LYRM4: variants seen among roughly 807,000 people sequenced by gnomAD.
The protein encoded by LYRM4 is LYR motif-containing protein 4.
LYRM4 carries 9 observed loss-of-function variants against 11.7 expected under a neutral mutation model. That is an observed-to-expected ratio of 0.77 (90% CI 0.46 to 1.34). LYRM4 has a LOEUF of 1.34. LYRM4 is among the 40% of genes most tolerant of loss of function. LYRM4 has a pLI of 0.00. For synonymous variants in LYRM4, 42 were observed against 40.4 expected, an observed-to-expected ratio of 1.04 and a Z score of -0.15; for missense variants, 133 against 112.5, an observed-to-expected ratio of 1.18 and a Z score of -0.82.
chr6:5,109,935 C>A (rs1200206950), intron 2 of LYRM4, among the ~76,000 whole-genome samples: 3 of 148,546 alleles, frequency 2.0e-5, no homozygotes, highest in African/African-American at 7.6e-5. Context: ...GCATTCAGGG[C>A]AATGCAGACA....
At chr6:5,143,420 C>G (rs146637282) in intron 2 of LYRM4, among the ~76,000 whole-genome samples, 2 of 152,136 alleles carry the variant, frequency 1.3e-5, no homozygotes, top group African/African-American at 4.8e-5. Context: ...ATTTCCTTAG[C>G]GTAATATATT....
chr6:5,093,135 A>C, the LYRM4 span, among the ~76,000 whole-genome samples: 1 of 152,212 alleles, frequency 6.6e-6, no homozygotes, highest in Non-Finnish European at 1.5e-5. Context: ...ACCCCACCTG[A>C]ACTAGATGTT....
At chr6:5,114,994 C>T (rs1390175220) in intron 2 of LYRM4, among the ~76,000 whole-genome samples, 1 of 152,154 alleles carries the variant, frequency 6.6e-6, no homozygotes, top group Non-Finnish European at 1.5e-5. Flanking sequence ...GGGATCATAG[C>T]ATAACTTGCT....
At chr6:5,209,883 C>T (rs1761904966) in intron 2 of LYRM4, among the ~76,000 whole-genome samples, 1 of 152,230 alleles carries the variant, frequency 6.6e-6, no homozygotes, top group Admixed American at 6.5e-5. Context: ...TTAAATCTCT[C>T]TTTGCCTATC....
In LYRM4 at chr6:5,109,332, T is replaced by C; in HGVS notation, c.*91A>G. On this transcript the variant is annotated 3_prime_UTR_variant, in exon 3 of 3. Transcript: ENST00000330636. ...ACAGGACAGGCAGCGCAAAAGGCTA[T>C]TGTAAGCTGGTTTTGGGAGCCCCCA... 3.8e-6 allele frequency: 6 copies of C among 1,597,786 alleles called. No homozygotes were observed. Among genetic ancestry groups the C allele is most frequent in the Non-Finnish European group, 3.4e-6 (4 of 1,168,310 alleles).
At chr6:5,130,195 G>A (rs464606) in intron 2 of LYRM4, among the ~76,000 whole-genome samples, 92,527 of 152,090 alleles carry the variant, frequency 0.61, 28,647 homozygotes, top group East Asian at 0.81. Context: ...CTGGGCGTGG[G>A]CTGCAGGGGG....
intron 2 of LYRM4, among the ~76,000 whole-genome samples, chr6:5,178,392 G>A (rs576551555): frequency 6.6e-6 from 1 of 151,496 alleles, no homozygotes; most frequent in Admixed American, 6.6e-5. Flanking sequence ...GCTAACACCT[G>A]GATGTAGGAA....
At chr6:5,245,608 G>A (rs1764161549) in intron 1 of LYRM4, among the ~76,000 whole-genome samples, 2 of 152,272 alleles carry the variant, frequency 1.3e-5, no homozygotes, top group African/African-American at 4.8e-5. Context: ...CAAGCTGTCT[G>A]GCATTGATAT....
the LYRM4 span, among the ~76,000 whole-genome samples, chr6:5,049,671 C>G: frequency 6.8e-6 from 1 of 146,400 alleles, no homozygotes. Context: ...TGGGCAGTGT[C>G]ATTTTTTTTT....
chr6:5,050,549 C>T, the LYRM4 span, among the ~76,000 whole-genome samples: 1 of 152,060 alleles, frequency 6.6e-6, no homozygotes, highest in African/African-American at 2.4e-5. Flanking sequence ...CTTTATTTTT[C>T]CTTTATTACC....
intron 2 of LYRM4, among the ~76,000 whole-genome samples, chr6:5,163,815 T>C (rs931718873): frequency 6.6e-6 from 1 of 152,028 alleles, no homozygotes; most frequent in Non-Finnish European, 1.5e-5. Context: ...GGTTTCACCA[T>C]GTTGGCTAGG....
downstream of LYRM4, chr6:5,106,018 T>G (rs977646996): frequency 6.6e-6 from 1 of 152,458 alleles, no homozygotes; most frequent in East Asian, 1.9e-4. Flanking sequence ...CTGTTCCTCC[T>G]GCCTAGAGAG....
intron 2 of LYRM4, among the ~76,000 whole-genome samples, chr6:5,137,685 C>T (rs457453): frequency 0.53 from 81,111 of 151,980 alleles, 22,468 homozygotes; most frequent in East Asian, 0.84. Context: ...TTTTAATATT[C>T]TGCATCTAAT....
intron 1 of LYRM4, among the ~76,000 whole-genome samples, chr6:5,234,662 T>A (rs1429806806): frequency 6.6e-6 from 1 of 151,224 alleles, no homozygotes; most frequent in African/African-American, 2.4e-5. Flanking sequence ...TCTACATGAG[T>A]AGGAAAACAC....
chr6:5,163,840 C>T (rs1758912098), intron 2 of LYRM4, among the ~76,000 whole-genome samples: 1 of 152,092 alleles, frequency 6.6e-6, no homozygotes, highest in Admixed American at 6.6e-5. Flanking sequence ...TCTCAAACTC[C>T]TGATCTCTGG....
chr6:5,147,933 T>A (rs1324611756), intron 2 of LYRM4, among the ~76,000 whole-genome samples: 1 of 152,214 alleles, frequency 6.6e-6, no homozygotes, highest in African/African-American at 2.4e-5. Flanking sequence ...TTTCCTTTTG[T>A]AAATTAGTGG....
chr6:5,151,084 ATTTTT>A (rs10599613), intron 2 of LYRM4, among the ~76,000 whole-genome samples: 2 of 136,744 alleles, frequency 1.5e-5, no homozygotes, highest in Non-Finnish European at 3.2e-5. Context: ...TTTGTTTTGA[ATTTTT>A]TTTTTTTTTT....
chr6:5,189,924 G>A (rs1313254975), intron 2 of LYRM4, among the ~76,000 whole-genome samples: 1 of 152,200 alleles, frequency 6.6e-6, no homozygotes, highest in Non-Finnish European at 1.5e-5. Flanking sequence ...GTCTAGAAAA[G>A]TAGGCTGATA....
intron 1 of LYRM4, among the ~76,000 whole-genome samples, chr6:5,221,976 G>GGT (rs1480403945): frequency 2.6e-5 from 4 of 152,196 alleles, no homozygotes; most frequent in African/African-American, 9.7e-5. Context: ...TTGGGGTTAT[G>GGT]GTGTGTGTAT....
Sources: allele counts gnomAD v4.1 joint callset (sites outside exome capture counted in the v4.1 genomes callset), GRCh38; gene constraint gnomAD v4.1.1; transcripts MANE v1.5; gene names NCBI Gene and HGNC (gene_info 2026-07-23, HGNC 2026-07-21).